GTF3C5: variants seen among roughly 807,000 people sequenced by gnomAD.
GTF3C5 encodes the protein general transcription factor 3C polypeptide 5.
In GTF3C5, 47 loss-of-function variants were observed where a neutral mutation model predicts 61.0. That is an observed-to-expected ratio of 0.77 (90% confidence interval 0.61 to 0.98). The LOEUF (loss-of-function observed/expected upper bound fraction) is 0.98, where lower values mean the gene tolerates loss of function less well. Among genes scored for constraint, GTF3C5 ranks in the 50% least tolerant of loss-of-function variants. The pLI is 0.00. For synonymous variants in GTF3C5, 295 were observed against 275.4 expected, an observed-to-expected ratio of 1.07 and a Z score of -0.71; for missense variants, 659 against 703.3, an observed-to-expected ratio of 0.94 and a Z score of 0.71.
At chr9:133,039,983 T>A (rs1178470041) in intron 1 of GTF3C5, among the ~76,000 whole-genome samples, 1 of 152,224 alleles carries the variant, frequency 6.6e-6, no homozygotes, top group Non-Finnish European at 1.5e-5. Context: ...CTGAATTCAT[T>A]AAGCACGGGC....
At chr9:133,054,371 G>GTGCCCGCCCACCTGACT in intron 6 of GTF3C5, 37 bp from the exon 7 acceptor site, 1 of 1,573,242 alleles carries the variant, frequency 6.4e-7, no homozygotes, top group South Asian at 1.1e-5. Context: ...GACGGGCCCT[G>GTGCCCGCCCACCTGACT]TGCCCGCCCA....
At chr9:133,055,296 C>T (rs987312974) in intron 8 of GTF3C5, 1 of 1,403,916 alleles carries the variant, frequency 7.1e-7, no homozygotes, top group African/African-American at 1.4e-5. Context: ...AGCCGCTCCA[C>T]AGCCCTGGGG....
Position 133,058,276 on chromosome 9 carries a change from T to A in GTF3C5, c.*296T>A. The A allele has an allele frequency of 1.7e-6, 1 of 588,074 alleles. No individual in the cohort carries two copies. Among genetic ancestry groups the A allele is most frequent in the Non-Finnish European group, 2.4e-6 (1 of 420,882 alleles). 36.4% of individuals were successfully genotyped at this position (588,074 alleles called of 1,614,324 possible). Reference sequence around the variant, plus strand: ...AGTGGGCACCCAATGCCTCTCAGGATGAGACCAGTAAATGCCGGAGGTGGA... The same window carrying A: ...AGTGGGCACCCAATGCCTCTCAGGAAGAGACCAGTAAATGCCGGAGGTGGA... On this transcript the variant is annotated 3_prime_UTR_variant, in exon 11 of 11. Coordinates refer to ENST00000372097, the MANE Select transcript of GTF3C5 (RefSeq NM_012087.4).
Position 133,052,866 on chromosome 9 carries a change from T to C in GTF3C5, c.873+702T>C, listed in dbSNP as rs189666480. Among the ~76,000 whole-genome samples the C allele has an allele frequency of 1.1e-3, 174 of 152,138 alleles. No homozygotes were observed. The South Asian group carries it at 0.014, about 12-fold the overall frequency. ...TATTTATTTTGAGATGGAGTCTCAC[T>C]CTGTCTCCCAGGCTGGAGTGCAGTG... On this transcript the variant is annotated intron_variant, in intron 5 of 10. Coordinates refer to ENST00000372097, the MANE Select transcript of GTF3C5 (RefSeq NM_012087.4).
chr9:133,040,779 G>C (rs1850014981), intron 1 of GTF3C5, among the ~76,000 whole-genome samples: 1 of 152,192 alleles, frequency 6.6e-6, no homozygotes, highest in Non-Finnish European at 1.5e-5. Flanking sequence ...CTCCAAGATT[G>C]TGGGTGGCAA....
intron 1 of GTF3C5, among the ~76,000 whole-genome samples, chr9:133,031,543 G>A (rs1564192783): frequency 6.6e-6 from 1 of 152,080 alleles, no homozygotes; most frequent in Admixed American, 6.6e-5. Context: ...GTAGAGAGGG[G>A]GTTTCACCAT....
chr9:133,055,040 G>A, intron 8 of GTF3C5: 1 of 1,551,632 alleles, frequency 6.4e-7, no homozygotes, highest in Middle Eastern at 1.7e-4. Context: ...CAAGTCTCAG[G>A]GAAGTCTGGC....
intron 3 of GTF3C5, among the ~76,000 whole-genome samples, chr9:133,050,095 G>T (rs536076209): frequency 7.4e-4 from 112 of 152,186 alleles, no homozygotes; most frequent in African/African-American, 2.6e-3. Flanking sequence ...CGAGATGCTT[G>T]TGAGCCAAAG....
At chr9:133,050,708 C>T in intron 3 of GTF3C5, 75 bp from the exon 4 acceptor site, 1 of 1,115,170 alleles carries the variant, frequency 9.0e-7, no homozygotes. Context: ...TTCTGGGCTC[C>T]CTGCCTGGTC....
intron 5 of GTF3C5, 36 bp from the exon 6 acceptor site, chr9:133,053,788 CTTCA>C: frequency 8.3e-7 from 1 of 1,198,890 alleles, no homozygotes; most frequent in Non-Finnish European, 1.2e-6. Flanking sequence ...GGACCTGGGC[CTTCA>C]CCTCACCTCA....
Position 133,040,981 on chromosome 9 carries a change from A to G in GTF3C5, c.154-1106A>G, listed in dbSNP as rs191461059. Among the ~76,000 whole-genome samples, 29 of 152,384 alleles carry G rather than the reference A, an allele frequency of 1.9e-4. 1 individual carries two copies. In the East Asian group the frequency reaches 5.4e-3, roughly 28 times the overall value. On this transcript the variant is annotated intron_variant, in intron 1 of 10. Transcript: ENST00000372097. ...CCTCGCTCTATAATCATAACCTAAGAAAAACCAGGTCATACAGAGATAGGA... is the reference window on the plus strand; with the variant it reads ...CCTCGCTCTATAATCATAACCTAAGGAAAACCAGGTCATACAGAGATAGGA...
chr9:133,044,145 C>CT (rs1850130004), intron 3 of GTF3C5: 1 of 140,274 alleles, frequency 7.1e-6, no homozygotes, highest in African/African-American at 4.2e-5. Flanking sequence ...ACTTTGTCTC[C>CT]CAAAAAAAAA....
chr9:133,053,218 A>T (rs1294814190), intron 5 of GTF3C5, among the ~76,000 whole-genome samples: 1 of 152,116 alleles, frequency 6.6e-6, no homozygotes, highest in Non-Finnish European at 1.5e-5. Flanking sequence ...GGCCAGTAGT[A>T]ACATTGGGCA....
At chr9:133,034,961 G>A (rs150830604) in intron 1 of GTF3C5, among the ~76,000 whole-genome samples, 10 of 152,280 alleles carry the variant, frequency 6.6e-5, no homozygotes, top group Non-Finnish European at 1.5e-4. Flanking sequence ...CAATGGGAAG[G>A]CATTTAGTCC....
At chr9:133,056,572 G>A (rs74757474) in intron 9 of GTF3C5, among the ~76,000 whole-genome samples, 194 bp from the exon 10 acceptor site, 2,029 of 152,304 alleles carry the variant, frequency 0.013, 37 homozygotes, top group African/African-American at 0.045. Context: ...GTGTGAGGCG[G>A]TCCAGGGAGC....
rs748726682 is a variant in GTF3C5 at position 133,052,178 on chromosome 9, G to T, written c.873+14G>T. On this transcript the variant is annotated intron_variant, in intron 5 of 10. Transcript: ENST00000372097. The stretch of plus-strand genomic sequence containing the variant: ...GCCTATTACATGGTAAGTGTCAGCT[G>T]CCCACCCACCTGCCTTGGTTTCCAC... The T allele has an allele frequency of 4.3e-6, 6 of 1,411,488 alleles. No individual in the cohort carries two copies. In the East Asian group the frequency reaches 1.4e-4, roughly 33 times the overall value. The allele number at this position is 1,411,488 out of a possible 1,614,324, so 87.4% of individuals were successfully genotyped here. A position where few individuals can be genotyped will look rare whatever the true frequency, so the allele number is the denominator to read the frequency against.
chr9:133,052,000 C>A, intron 4 of GTF3C5, 60 bp from the exon 5 acceptor site: 1 of 881,474 alleles, frequency 1.1e-6, no homozygotes, highest in South Asian at 1.6e-5. Context: ...GTTGGGAGTT[C>A]AGGGCCGAAG....
rs140299595 is a variant in GTF3C5 at position 133,057,854 on chromosome 9, G to A, written c.1434G>A (p.Glu478=). The change falls in exon 11 of 11, where the codon GAG becomes GAA. Residue 478 remains glutamate (E), a synonymous_variant. Transcript: ENST00000372097. ...CAGCCAAGGCTGATGGCGGAAAAGA[G>A]CAGCTGACGTACGAGTCTGGGGAAG... ...SSSAKADGGK[E]QLTYESGEDE... 6.2e-7 allele frequency: 1 copy of A among 1,613,384 alleles called. No homozygotes were observed. Among genetic ancestry groups the A allele is most frequent in the African/African-American group, 1.3e-5 (1 of 75,068 alleles).
chr9:133,050,833 G>C lies in GTF3C5; in HGVS notation c.623G>C (p.Ser208Thr). 1 of 1,614,116 alleles carries C rather than the reference G, an allele frequency of 6.2e-7. No homozygotes were observed. The highest frequency in any genetic ancestry group is 8.5e-7 in the Non-Finnish European group (1 of 1,179,974). The change falls in exon 4 of 11, where the codon AGC (serine) becomes ACC (threonine). Residue 208 changes from serine to threonine, a missense_variant. Physicochemically the swap from Ser to Thr is moderately conservative, Grantham distance 58. Transcript: ENST00000372097. ...TCAGGTGAGAATCTGATTGGCCTGA[G>C]CAGAGCCCGGCGCCCCCACAATGCC... is the stretch of plus-strand genomic sequence containing the variant. Reference protein sequence around the residue: ...PISGENLIGLSRARRPHNAIF... With the variant: ...PISGENLIGLTRARRPHNAIF...
Sources: allele counts gnomAD v4.1 joint callset (sites outside exome capture counted in the v4.1 genomes callset), GRCh38; gene constraint gnomAD v4.1.1; transcripts MANE v1.5; gene names NCBI Gene and HGNC (gene_info 2026-07-23, HGNC 2026-07-21).